EPHA3: variants seen among roughly 807,000 people sequenced by gnomAD.
The protein encoded by EPHA3 is EPH receptor A3, also known as ephrin type-A receptor 3.
Under a neutral mutation model 107.1 loss-of-function variants are expected in EPHA3, and 42 were observed. The observed-to-expected ratio is 0.39, with a 90% CI of 0.31 to 0.51. The LOEUF (loss-of-function observed/expected upper bound fraction) is 0.51, where lower values mean the gene tolerates loss of function less well. EPHA3 is among the 20% of genes least tolerant of loss of function. EPHA3 has a pLI of 0.78. For missense variants in EPHA3, 1,183 were observed against 1,211.2 expected (o/e 0.98, Z 0.35); for synonymous variants, 461 against 424.8 (o/e 1.09, Z -1.05).
At chr3:89,154,185 G>T (rs1337476631) in intron 2 of EPHA3, among the ~76,000 whole-genome samples, 1 of 151,328 alleles carries the variant, frequency 6.6e-6, no homozygotes, top group Admixed American at 6.6e-5. Flanking sequence ...GCATTTACTT[G>T]TTACTGTTAT....
At chr3:89,384,150 G>T (rs183445391) in intron 5 of EPHA3, among the ~76,000 whole-genome samples, 2 of 151,982 alleles carry the variant, frequency 1.3e-5, no homozygotes, top group Non-Finnish European at 2.9e-5. Context: ...TTTTTCTAAG[G>T]TTTCATATTT....
chr3:89,339,723 ATCT>A (rs1251943698), intron 3 of EPHA3, among the ~76,000 whole-genome samples: 5 of 152,316 alleles, frequency 3.3e-5, no homozygotes, highest in Middle Eastern at 3.4e-3. Flanking sequence ...AATGCAAATA[ATCT>A]TCTCTTCACA....
intron 6 of EPHA3, among the ~76,000 whole-genome samples, chr3:89,396,611 C>T (rs1708856418): frequency 6.6e-6 from 1 of 151,894 alleles, no homozygotes. Flanking sequence ...GCGAGTATTC[C>T]ATCATTCTAA....
chr3:89,396,430 A>T (rs1032444028), intron 6 of EPHA3, among the ~76,000 whole-genome samples: 2 of 152,148 alleles, frequency 1.3e-5, no homozygotes, highest in Admixed American at 6.5e-5. Context: ...GATTTTCTTG[A>T]CCCTGTAGAA....
At chr3:89,335,095 A>T (rs1576318128) in intron 3 of EPHA3, among the ~76,000 whole-genome samples, 1 of 152,330 alleles carries the variant, frequency 6.6e-6, no homozygotes, top group South Asian at 2.1e-4. Context: ...TTACTATAAG[A>T]CACAATAAAT....
intron 2 of EPHA3, among the ~76,000 whole-genome samples, chr3:89,182,334 C>T (rs1705459203): frequency 6.6e-6 from 1 of 151,830 alleles, no homozygotes; most frequent in Non-Finnish European, 1.5e-5. Context: ...ATAGTCTGTA[C>T]AGTACAGAAA....
intron 10 of EPHA3, among the ~76,000 whole-genome samples, chr3:89,417,512 G>A (rs774866947): frequency 5.3e-5 from 8 of 151,306 alleles, no homozygotes; most frequent in Admixed American, 2.6e-4. Context: ...GATAATGTTC[G>A]GATAACCCTA....
In EPHA3 at chr3:89,399,445, A is replaced by C. The variant is rs1310386960; in HGVS notation, c.1559A>C (p.Asn520Thr). The C allele has an allele frequency of 6.2e-7, 1 of 1,614,188 alleles. No homozygotes were observed. Among genetic ancestry groups the C allele is most frequent in the Non-Finnish European group, 8.5e-7 (1 of 1,180,032 alleles). Residue 520 changes from asparagine to threonine, a missense_variant, in exon 7 of 17, where the codon AAC becomes ACC. By Grantham distance (65) the Asn-to-Thr change is moderately conservative (BLOSUM62 0). Transcript: ENST00000336596. ...RARTAAGYGTNSRKFEFETSP... is the reference protein window; with the variant it reads ...RARTAAGYGTTSRKFEFETSP... ...CGAACAGCCGCTGGATATGGGACGA[A>C]CAGCCGCAAGTTTGAGTTTGAAACT...
intron 15 of EPHA3, among the ~76,000 whole-genome samples, chr3:89,456,847 G>A (rs1381562531): frequency 6.6e-6 from 1 of 152,192 alleles, no homozygotes; most frequent in Non-Finnish European, 1.5e-5. Context: ...CAAGGCTACA[G>A]ATGTTTATTC....
intron 2 of EPHA3, among the ~76,000 whole-genome samples, chr3:89,128,932 C>T (rs573513987): frequency 3.3e-5 from 5 of 152,088 alleles, no homozygotes; most frequent in Admixed American, 2.6e-4. Flanking sequence ...ACATCTACTT[C>T]CAGAGCTATG....
chr3:89,214,325 T>C (rs1235519206), intron 3 of EPHA3, among the ~76,000 whole-genome samples: 2 of 151,944 alleles, frequency 1.3e-5, no homozygotes, highest in Non-Finnish European at 2.9e-5. Context: ...CACTGCACAA[T>C]ATACAGCACT....
At chr3:89,449,835 CAT>C (rs1285686378) in intron 14 of EPHA3, among the ~76,000 whole-genome samples, 1 of 152,138 alleles carries the variant, frequency 6.6e-6, no homozygotes, top group African/African-American at 2.4e-5. Context: ...CATATTCATT[CAT>C]ATATGTTTTC....
At chr3:89,424,067 T>C (rs1052991108) in intron 11 of EPHA3, among the ~76,000 whole-genome samples, 1 of 151,422 alleles carries the variant, frequency 6.6e-6, no homozygotes, top group Non-Finnish European at 1.5e-5. Context: ...GCTAGTAATA[T>C]CTTGATACCA....
intron 3 of EPHA3, among the ~76,000 whole-genome samples, chr3:89,247,816 A>C (rs1576262823): frequency 6.6e-6 from 1 of 152,182 alleles, no homozygotes; most frequent in East Asian, 1.9e-4. Context: ...TATGATCTTC[A>C]TTGATAACAT....
intron 5 of EPHA3, among the ~76,000 whole-genome samples, chr3:89,390,644 T>C (rs1474524756): frequency 6.6e-6 from 1 of 151,452 alleles, no homozygotes; most frequent in Non-Finnish European, 1.5e-5. Context: ...CTCTCCGTTA[T>C]ATATGTCAAC....
chr3:89,274,138 T>A (rs1264345627), intron 3 of EPHA3, among the ~76,000 whole-genome samples: 1 of 151,798 alleles, frequency 6.6e-6, no homozygotes, highest in East Asian at 1.9e-4. Flanking sequence ...CACAAATAAG[T>A]TTTAGCAAAT....
chr3:89,318,076 T>C (rs1706950677), intron 3 of EPHA3, among the ~76,000 whole-genome samples: 1 of 151,884 alleles, frequency 6.6e-6, no homozygotes, highest in South Asian at 2.1e-4. Context: ...TTACATGCGT[T>C]CCAGACATCA....
intron 13 of EPHA3, among the ~76,000 whole-genome samples, chr3:89,433,540 C>G (rs966296351): frequency 1.3e-5 from 2 of 152,138 alleles, no homozygotes; most frequent in African/African-American, 4.8e-5. Context: ...ATAATAAACC[C>G]TTTTGTTTTT....
intron 3 of EPHA3, among the ~76,000 whole-genome samples, chr3:89,336,860 A>G (rs35448293): frequency 0.47 from 71,441 of 151,846 alleles, 17,169 homozygotes; most frequent in African/African-American, 0.54. Flanking sequence ...CAGGAATTCA[A>G]TACTAGCCAG....
Sources: gnomAD v4.1 joint callset for allele counts (sites outside exome capture counted in the v4.1 genomes callset) on GRCh38, gnomAD v4.1.1 for gene constraint, MANE v1.5 for transcripts, NCBI Gene and HGNC (gene_info 2026-07-23, HGNC 2026-07-21) for gene names.